The following SEC24D variants were observed in gnomAD, a reference collection of about 807,000 sequenced individuals.
SEC24D encodes the protein SEC24 homolog D, COPII component, also known as protein transport protein Sec24D.
Under a neutral mutation model 116.9 loss-of-function variants are expected in SEC24D, and 69 were observed. The ratio of observed to expected loss-of-function variants is 0.59; its 90% CI spans 0.49 to 0.72. The LOEUF is 0.72. SEC24D is among the 30% of genes least tolerant of loss of function. SEC24D has a pLI of 0.00. For synonymous variants in SEC24D, 405 were observed against 442.8 expected (o/e 0.91, Z 1.07); for missense variants, 1,131 against 1,264.1 (o/e 0.89, Z 1.60).
At chr4:118,830,287 G>C (rs1297299978) in intron 2 of SEC24D, among the ~76,000 whole-genome samples, 2 of 152,224 alleles carry the variant, frequency 1.3e-5, no homozygotes, top group Non-Finnish European at 2.9e-5. Flanking sequence ...GTAAGGCCAG[G>C]TGCCGAGGCT....
chr4:118,761,213 T>C (rs184730535), intron 10 of SEC24D, among the ~76,000 whole-genome samples: 1 of 152,260 alleles, frequency 6.6e-6, no homozygotes, highest in Admixed American at 6.5e-5. Flanking sequence ...ATTTACTGAG[T>C]CCTCAGAGCC....
chr4:118,775,881 A>T (rs746669483), intron 8 of SEC24D, among the ~76,000 whole-genome samples: 36 of 152,204 alleles, frequency 2.4e-4, no homozygotes, highest in Non-Finnish European at 5.1e-4. Flanking sequence ...TCAATTCATT[A>T]AATTTTGGGT....
intron 15 of SEC24D, among the ~76,000 whole-genome samples, chr4:118,743,269 A>AGGAT: frequency 6.6e-6 from 1 of 152,204 alleles, no homozygotes. Flanking sequence ...TTTGACTCTG[A>AGGAT]GGATGAATGA....
chr4:118,724,704 G>A (rs1253524546), intron 22 of SEC24D, among the ~76,000 whole-genome samples: 1 of 152,142 alleles, frequency 6.6e-6, no homozygotes, highest in African/African-American at 2.4e-5. Context: ...TGAACACTTT[G>A]AACCCTTCTT....
chr4:118,746,665 T>A (rs993756777), intron 13 of SEC24D, among the ~76,000 whole-genome samples: 2 of 152,204 alleles, frequency 1.3e-5, no homozygotes, highest in South Asian at 4.1e-4. Flanking sequence ...CTGTGCACAT[T>A]CTGTTCCCTT....
intron 1 of SEC24D, among the ~76,000 whole-genome samples, chr4:118,835,050 C>T (rs1389221052): frequency 6.6e-6 from 1 of 152,184 alleles, no homozygotes; most frequent in Non-Finnish European, 1.5e-5. Context: ...AGGCAAAGGC[C>T]TTCTGGTCCA....
intron 3 of SEC24D, among the ~76,000 whole-genome samples, chr4:118,824,208 A>T (rs1226601543): frequency 6.6e-6 from 1 of 152,032 alleles, no homozygotes; most frequent in Non-Finnish European, 1.5e-5. Context: ...GTGCAATGGC[A>T]CAATCATAGC....
chr4:118,776,681 T>C (rs1560678387), intron 8 of SEC24D, among the ~76,000 whole-genome samples: 1 of 152,192 alleles, frequency 6.6e-6, no homozygotes, highest in Admixed American at 6.6e-5. Flanking sequence ...CTCTCCAGAA[T>C]CTTATGCTTG....
chr4:118,795,499 G>A (rs560376530), intron 8 of SEC24D, among the ~76,000 whole-genome samples: 5 of 152,106 alleles, frequency 3.3e-5, no homozygotes, highest in South Asian at 2.1e-4. Flanking sequence ...GTGAGCCACC[G>A]TGCCCAGCCT....
At position 118,766,966 on chromosome 4, in the gene SEC24D, GAACT is replaced by G. The variant is rs1727671595; in HGVS notation, c.1180+1203_1180+1206del. On this transcript the variant is annotated intron_variant, in intron 9 of 22. Coordinates refer to ENST00000280551, the MANE Select transcript of SEC24D (RefSeq NM_014822.4). ...CCTTAGAAAGAGAAGTGAGGGTAGA[GAACT>G]AACAATCTGGTCTCAATGGGATATC... 2.0e-5 allele frequency: 3 copies of G among 152,364 alleles called. No individual in the cohort carries two copies. The South Asian group carries it at 6.2e-4, about 32-fold the overall frequency. The allele number at this position is 152,364 out of a possible 1,614,324, so 9.4% of individuals were successfully genotyped here.
intron 8 of SEC24D, among the ~76,000 whole-genome samples, chr4:118,787,749 C>G (rs578093220): frequency 6.6e-6 from 1 of 151,964 alleles, no homozygotes; most frequent in African/African-American, 2.4e-5. Context: ...TGAAGGTTGC[C>G]GTGAACAGAG....
intron 6 of SEC24D, among the ~76,000 whole-genome samples, chr4:118,814,352 T>C (rs1489531882): frequency 2.0e-5 from 3 of 152,202 alleles, no homozygotes; most frequent in Admixed American, 2.0e-4. Flanking sequence ...AGTGTTTGCC[T>C]CTTCACGCTG....
At chr4:118,817,222 G>C in intron 4 of SEC24D, 42 bp downstream of exon 4, 1 of 1,517,902 alleles carries the variant, frequency 6.6e-7, no homozygotes, top group Non-Finnish European at 8.9e-7. Context: ...AAAATGACCA[G>C]GACACAAGGC....
At chr4:118,804,155 G>A (rs1729567805) in intron 7 of SEC24D, among the ~76,000 whole-genome samples, 1 of 152,156 alleles carries the variant, frequency 6.6e-6, no homozygotes, top group Non-Finnish European at 1.5e-5. Flanking sequence ...AGACACTGGA[G>A]AAGACTTGAA....
chr4:118,793,466 C>CAAAAA (rs70944815), intron 8 of SEC24D, among the ~76,000 whole-genome samples: 4 of 69,288 alleles, frequency 5.8e-5, no homozygotes, highest in African/African-American at 1.2e-4. Context: ...GACTCCGTCT[C>CAAAAA]AAAAAAAAAA....
chr4:118,829,901 A>G (rs1730768975), intron 2 of SEC24D, among the ~76,000 whole-genome samples: 1 of 152,252 alleles, frequency 6.6e-6, no homozygotes, highest in South Asian at 2.1e-4. Context: ...TGAGCAACAC[A>G]AAGCAAGAGT....
At position 118,764,842 on chromosome 4, in the gene SEC24D, A is replaced by G; in HGVS notation, c.1256T>C (p.Leu419Pro). 1 of 1,609,098 alleles carries G rather than the reference A, an allele frequency of 6.2e-7. No homozygotes were observed. Among genetic ancestry groups the G allele is most frequent in the Non-Finnish European group, 8.5e-7 (1 of 1,175,702 alleles). ...LDHYEKPELS[L>P]GSYEYVATLD... The stretch of plus-strand genomic sequence containing the variant: ...AGTGGCAACATATTCATAAGATCCT[A>G]GAGATAACTCTGGTTTCTCATAGTG... Residue 419 changes from leucine (L) to proline (P), a missense_variant, in exon 10 of 23, where the codon CTA (leucine) becomes CCA (proline). Physicochemically the swap from Leu to Pro is moderately conservative, Grantham distance 98. Coordinates refer to ENST00000280551, the MANE Select transcript of SEC24D (RefSeq NM_014822.4).
chr4:118,726,124 T>A (rs924074834), intron 22 of SEC24D, among the ~76,000 whole-genome samples: 1 of 152,210 alleles, frequency 6.6e-6, no homozygotes, highest in Admixed American at 6.5e-5. Context: ...AAAGAATTAA[T>A]GTGCTTCAAA....
intron 8 of SEC24D, among the ~76,000 whole-genome samples, chr4:118,770,217 A>C (rs1727835814): frequency 6.6e-6 from 1 of 152,170 alleles, no homozygotes. Flanking sequence ...TGATGTATAC[A>C]CCACTCTTTC....
Sources: gnomAD v4.1 joint callset for allele counts (sites outside exome capture counted in the v4.1 genomes callset) on GRCh38, gnomAD v4.1.1 for gene constraint, MANE v1.5 for transcripts, NCBI Gene and HGNC (gene_info 2026-07-23, HGNC 2026-07-21) for gene names.